Variants in DIO2 observed in about 807,000 individuals in gnomAD.
DIO2 encodes the protein iodothyronine deiodinase 2.
A neutral mutation model predicts 21.4 loss-of-function variants in DIO2; 19 were observed. The ratio of observed to expected loss-of-function variants is 0.89; its 90% confidence interval spans 0.62 to 1.30. DIO2 has a LOEUF of 1.30. Ranked by LOEUF, DIO2 falls within the 50% of genes most tolerant of loss-of-function variation. The pLI is 0.00. For missense variants in DIO2, 302 were observed against 338.1 expected, an observed-to-expected ratio of 0.89 and a Z score of 0.84; for synonymous variants, 122 against 132.9, an observed-to-expected ratio of 0.92 and a Z score of 0.57.
chr14:80,218,556 A>C (rs964032865), intron 2 of DIO2, among the ~76,000 whole-genome samples: 3 of 152,144 alleles, frequency 2.0e-5, no homozygotes, highest in Non-Finnish European at 4.4e-5. Flanking sequence ...AATATTCCTG[A>C]CCCTGGAAAA....
Position 80,207,127 on chromosome 14 carries a change from A to G in DIO2, c.223-3839T>C, listed in dbSNP as rs1887984336. ...TGCAAGCAACATCAACACAACACCA[A>G]CAAAGGAGGTAAATAAAGGATTTGC... is the stretch of plus-strand genomic sequence containing the variant. On this transcript the variant is annotated intron_variant, in intron 1 of 1. Transcript: ENST00000438257. Among the ~76,000 whole-genome samples, 5 of 152,218 alleles carry G rather than the reference A, an allele frequency of 3.3e-5. No homozygotes were observed. In the South Asian group the frequency reaches 1.0e-3, roughly 32 times the overall value.
chr14:80,218,738 G>A (rs1451023626), intron 2 of DIO2, among the ~76,000 whole-genome samples: 1 of 152,178 alleles, frequency 6.6e-6, no homozygotes, highest in East Asian at 1.9e-4. Flanking sequence ...AGCACTTTGG[G>A]AGGCCAAGGT....
chr14:80,210,433 A>G (rs996142166), intron 1 of DIO2, among the ~76,000 whole-genome samples: 10 of 152,324 alleles, frequency 6.6e-5, no homozygotes, highest in African/African-American at 2.4e-4. Context: ...CTGAGCAGGT[A>G]AGGGAGACCA....
intron 2 of DIO2, chr14:80,216,885 A>T (rs1888374172): frequency 6.6e-6 from 1 of 152,202 alleles, no homozygotes; most frequent in Non-Finnish European, 1.5e-5. Context: ...AAAATAGGTC[A>T]TTCTTTATAA....
chr14:80,206,406 A>T, intron 1 of DIO2: 1 of 847,204 alleles, frequency 1.2e-6, no homozygotes, highest in Non-Finnish European at 1.8e-6. Context: ...AAATATTCTA[A>T]AAGGATATTA....
At position 80,202,195 on chromosome 14, in the gene DIO2, T is replaced by A. The variant is rs1424906144; in HGVS notation, c.*494A>T. 1 of 439,004 alleles carries A rather than the reference T, an allele frequency of 2.3e-6. No individual in the cohort carries two copies. The highest frequency in any genetic ancestry group is 4.5e-6 in the Non-Finnish European group (1 of 223,220). 27.2% of individuals were successfully genotyped at this position (439,004 alleles called of 1,614,324 possible). On this transcript the variant is annotated 3_prime_UTR_variant, in exon 2 of 2. Coordinates refer to ENST00000438257, the MANE Select transcript of DIO2 (RefSeq NM_013989.5). The stretch of plus-strand genomic sequence containing the variant: ...AATGACTCTAACATAAGGTCTAACC[T>A]TAACACCAACGTCTAACCACATGGC...
At chr14:80,205,787 G>A in intron 1 of DIO2, 1 of 1,132,260 alleles carries the variant, frequency 8.8e-7, no homozygotes, top group African/African-American at 1.7e-5. Flanking sequence ...TCTTTATGGG[G>A]GGGATTTAGC....
upstream of DIO2, chr14:80,211,816 C>A (rs963028126): frequency 8.3e-6 from 1 of 120,550 alleles, no homozygotes; most frequent in Non-Finnish European, 1.6e-5. Flanking sequence ...CTGGCGTACT[C>A]GTCCCTAATC....
chr14:80,220,523 A>C (rs1332638670), intron 2 of DIO2, among the ~76,000 whole-genome samples: 1 of 152,160 alleles, frequency 6.6e-6, no homozygotes, highest in Non-Finnish European at 1.5e-5. Context: ...TTGGCCAGGT[A>C]CCTCACCAAG....
chr14:80,221,205 A>G (rs1566667699), intron 2 of DIO2, among the ~76,000 whole-genome samples: 2 of 152,118 alleles, frequency 1.3e-5, no homozygotes, highest in Non-Finnish European at 2.9e-5. Flanking sequence ...AACATCTACA[A>G]TGGTATTATT....
At chr14:80,208,117 G>C (rs1432890647) in intron 1 of DIO2, among the ~76,000 whole-genome samples, 1 of 152,218 alleles carries the variant, frequency 6.6e-6, no homozygotes, top group East Asian at 1.9e-4. Context: ...CCCAGACAGA[G>C]CAATTTGCTT....
Position 80,203,192 on chromosome 14 carries a change from C to A in DIO2, c.319G>T (p.Ala107Ser), listed in dbSNP as rs778815842. ...AGAAGGTGGCATGTGGCTCCCTCAG[C>A]TATCTTCTCCTGGGTACCATTGCCA... Reference protein sequence around the residue: ...NSGNGTQEKIAEGATCHLLDF... With the variant: ...NSGNGTQEKISEGATCHLLDF... The change falls in exon 2 of 2, where the codon GCT (alanine) becomes TCT (serine). Residue 107 changes from alanine (A) to serine (S), a missense_variant. Physicochemically the swap from Ala to Ser is moderately conservative, Grantham distance 99. Transcript: ENST00000438257. The A allele has an allele frequency of 3.7e-6, 6 of 1,609,762 alleles. No homozygotes were observed. The highest frequency in any genetic ancestry group is 1.7e-4 in the Middle Eastern group (1 of 6,054).
intron 2 of DIO2, among the ~76,000 whole-genome samples, chr14:80,229,316 T>C (rs1888640034): frequency 6.6e-6 from 1 of 152,198 alleles, no homozygotes; most frequent in South Asian, 2.1e-4. Flanking sequence ...AATAGCTACA[T>C]CCACTTTGCC....
chr14:80,211,698 G>C (rs1328935337), upstream of DIO2: 1 of 320,306 alleles, frequency 3.1e-6, no homozygotes, highest in Middle Eastern at 9.4e-4. Context: ...AGCAGTTGGA[G>C]TGTGCCCATC....
rs560699523 is a variant in DIO2 at position 80,224,102 on chromosome 14, G to A, written c.-277-7365C>T. The stretch of plus-strand genomic sequence containing the variant: ...TGCCCCTCTTCTAAATATTTCAGTA[G>A]CATTAAATCATGTAATCTTCATAAC... On this transcript the variant is annotated intron_variant, in intron 2 of 4. Coordinates refer to the DIO2 transcript ENST00000553594. Among the ~76,000 whole-genome samples, 18 of 152,232 alleles carry A rather than the reference G, an allele frequency of 1.2e-4. No homozygotes were observed. The East Asian group carries it at 3.5e-3, about 29-fold the overall frequency.
chr14:80,221,017 TA>T, intron 2 of DIO2, among the ~76,000 whole-genome samples: 1 of 152,296 alleles, frequency 6.6e-6, no homozygotes, highest in African/African-American at 2.4e-5. Context: ...TGAGATTTTT[TA>T]AAAAAACTTT....
upstream of DIO2, chr14:80,215,909 C>T (rs912284492): frequency 6.6e-6 from 1 of 152,286 alleles, no homozygotes; most frequent in East Asian, 1.9e-4. Context: ...TGTTCTCTGC[C>T]TTGTGATGAA....
At chr14:80,227,088 G>A (rs1298009797) in intron 2 of DIO2, among the ~76,000 whole-genome samples, 2 of 152,178 alleles carry the variant, frequency 1.3e-5, no homozygotes, top group African/African-American at 4.8e-5. Flanking sequence ...CTACTGGGAA[G>A]ATTTCCTTCC....
At chr14:80,230,248 T>G (rs1429791110) in intron 2 of DIO2, among the ~76,000 whole-genome samples, 1 of 152,250 alleles carries the variant, frequency 6.6e-6, no homozygotes, top group East Asian at 1.9e-4. Flanking sequence ...ACATCCCCAT[T>G]CCAAATTTCA....
Sources: gnomAD v4.1 joint callset for allele counts (sites outside exome capture counted in the v4.1 genomes callset) on GRCh38, gnomAD v4.1.1 for gene constraint, MANE v1.5 for transcripts, NCBI Gene and HGNC (gene_info 2026-07-23, HGNC 2026-07-21) for gene names.